The following SCAPER variants were observed in gnomAD, a reference collection of about 807,000 sequenced individuals.
SCAPER encodes S-phase cyclin A associated protein in the ER.
SCAPER carries 98 observed loss-of-function variants against 182.2 expected under a neutral mutation model. That is an observed-to-expected ratio of 0.54 (90% CI 0.46 to 0.64). The LOEUF (loss-of-function observed/expected upper bound fraction) is 0.64. SCAPER is among the 30% of genes least tolerant of loss of function. SCAPER has a pLI of 0.00. For synonymous variants in SCAPER, 605 were observed against 564.6 expected (o/e 1.07, Z -1.01); for missense variants, 1,432 against 1,690.0 (o/e 0.85, Z 2.68).
intron 23 of SCAPER, among the ~76,000 whole-genome samples, chr15:76,543,535 T>G (rs1457827793): frequency 6.6e-6 from 1 of 152,194 alleles, no homozygotes; most frequent in Non-Finnish European, 1.5e-5. Context: ...ATGTTACCCC[T>G]AACTCCTACC....
At position 76,417,890 on chromosome 15, in the gene SCAPER, C is replaced by T. The variant is rs576321633; in HGVS notation, c.3312-13211G>A. On this transcript the variant is annotated intron_variant, in intron 26 of 31. Transcript: ENST00000563290. The stretch of plus-strand genomic sequence containing the variant: ...AAAATTAGCTGGGCGTGGTGGTGCG[C>T]GCCTATAGTCCCAGCTACTTGGGAG... 2.7e-4 allele frequency among the ~76,000 whole-genome samples: 41 copies of T among 152,108 alleles called. No individual in the cohort carries two copies. In the East Asian group the frequency reaches 6.6e-3, roughly 24 times the overall value.
chr15:76,532,321 C>T (rs1225645970), intron 23 of SCAPER, among the ~76,000 whole-genome samples: 2 of 151,738 alleles, frequency 1.3e-5, no homozygotes, highest in Non-Finnish European at 2.9e-5. Context: ...TTACCCCTCC[C>T]CTCCCCTCCC....
intron 1 of SCAPER, among the ~76,000 whole-genome samples, chr15:76,885,889 G>A (rs2073812393): frequency 6.6e-6 from 1 of 152,270 alleles, no homozygotes; most frequent in African/African-American, 2.4e-5. Context: ...AACAAAAGAA[G>A]ACTAAACATT....
At chr15:76,620,379 T>C (rs560052304) in intron 22 of SCAPER, among the ~76,000 whole-genome samples, 34 of 152,332 alleles carry the variant, frequency 2.2e-4, no homozygotes, top group African/African-American at 7.9e-4. Context: ...TCCTACTGAA[T>C]TGATTTCTCT....
At chr15:76,702,820 T>C (rs759842551) in intron 19 of SCAPER, 30 bp downstream of exon 19, 7 of 1,577,210 alleles carry the variant, frequency 4.4e-6, no homozygotes, top group Non-Finnish European at 5.1e-6. Flanking sequence ...TAGTAAACTA[T>C]ATCATTACAA....
chr15:76,743,652 G>A (rs1320267050), intron 15 of SCAPER, among the ~76,000 whole-genome samples: 2 of 151,958 alleles, frequency 1.3e-5, no homozygotes, highest in Non-Finnish European at 2.9e-5. Flanking sequence ...AATCAGAGAT[G>A]ACACAAACAG....
chr15:76,721,442 GT>G (rs1253736121), intron 17 of SCAPER, among the ~76,000 whole-genome samples: 3 of 151,756 alleles, frequency 2.0e-5, no homozygotes, highest in African/African-American at 7.3e-5. Context: ...CTTTAAAGTA[GT>G]TTTTTCCAAT....
At chr15:76,424,933 T>G (rs1333543056) in intron 26 of SCAPER, among the ~76,000 whole-genome samples, 12 of 152,214 alleles carry the variant, frequency 7.9e-5, no homozygotes, top group African/African-American at 2.7e-4. Context: ...TTTAAGAATG[T>G]TGAATATTGG....
At chr15:76,765,098 A>T in intron 13 of SCAPER, 26 bp from the exon 14 acceptor site, 1 of 1,459,394 alleles carries the variant, frequency 6.9e-7, no homozygotes, top group Non-Finnish European at 9.3e-7. Context: ...AATGGACAAG[A>T]GACATGAAAT....
intron 23 of SCAPER, among the ~76,000 whole-genome samples, chr15:76,561,731 C>T (rs112234639): frequency 4.4e-4 from 66 of 151,022 alleles, no homozygotes; most frequent in Admixed American, 5.3e-4. Context: ...TTTTTTTAGA[C>T]GGAGTTTCGC....
chr15:76,457,963 C>A (rs1304911758), intron 25 of SCAPER, among the ~76,000 whole-genome samples: 1 of 151,674 alleles, frequency 6.6e-6, no homozygotes, highest in Non-Finnish European at 1.5e-5. Flanking sequence ...CTGTTGTCAA[C>A]AAATTCTCGG....
At chr15:76,452,474 G>A (rs1022493231) in intron 25 of SCAPER, among the ~76,000 whole-genome samples, 11 of 152,142 alleles carry the variant, frequency 7.2e-5, no homozygotes, top group African/African-American at 2.7e-4. Context: ...TCCCCTTCGA[G>A]GAATTTTCAT....
At chr15:76,701,558 C>T (rs61246755) in intron 20 of SCAPER, among the ~76,000 whole-genome samples, 200 bp downstream of exon 20, 1 of 152,078 alleles carries the variant, frequency 6.6e-6, no homozygotes, top group Non-Finnish European at 1.5e-5. Flanking sequence ...GCATTAAATT[C>T]TTTTTTCTAT....
At chr15:76,542,520 T>A (rs1173305049) in intron 23 of SCAPER, among the ~76,000 whole-genome samples, 1 of 150,084 alleles carries the variant, frequency 6.7e-6, no homozygotes, top group South Asian at 2.1e-4. Flanking sequence ...CGAGACTCCA[T>A]CTCCATCTCA....
chr15:76,899,282 G>A (rs1248381512), intron 1 of SCAPER, among the ~76,000 whole-genome samples: 3 of 152,078 alleles, frequency 2.0e-5, no homozygotes, highest in East Asian at 1.9e-4. Context: ...CTCCTGCCTC[G>A]GCCTGCCGAG....
intron 23 of SCAPER, among the ~76,000 whole-genome samples, chr15:76,520,334 C>T (rs950840179): frequency 4.6e-5 from 7 of 152,124 alleles, no homozygotes; most frequent in African/African-American, 1.7e-4. Context: ...CCCTCCCAAC[C>T]CAGCCTTCGA....
intron 26 of SCAPER, among the ~76,000 whole-genome samples, chr15:76,430,906 T>C (rs779595543): frequency 2.0e-5 from 3 of 152,146 alleles, no homozygotes; most frequent in Non-Finnish European, 2.9e-5. Context: ...TGAATTCCCA[T>C]GTGCTTTGGG....
Position 76,622,492 on chromosome 15 carries a change from T to C in SCAPER, c.2646-663A>G, listed in dbSNP as rs554570791. ...AGCCCTAATGAGGAAAAAAGCAAAC[T>C]AGACAGATGATGCATTGGAATAAAG... On this transcript the variant is annotated intron_variant, in intron 21 of 31. Coordinates refer to ENST00000563290, the MANE Select transcript of SCAPER (RefSeq NM_020843.4). Among the ~76,000 whole-genome samples, 42 of 151,908 alleles carry C rather than the reference T, an allele frequency of 2.8e-4. No individual in the cohort carries two copies. The East Asian group carries it at 6.9e-3, about 25-fold the overall frequency.
chr15:76,639,456 C>G (rs2053921693), intron 21 of SCAPER, among the ~76,000 whole-genome samples: 1 of 152,192 alleles, frequency 6.6e-6, no homozygotes, highest in Non-Finnish European at 1.5e-5. Flanking sequence ...CCACTGAAGA[C>G]CTGAACATTC....
Sources: gnomAD v4.1 joint callset for allele counts (sites outside exome capture counted in the v4.1 genomes callset) on GRCh38, gnomAD v4.1.1 for gene constraint, MANE v1.5 for transcripts, NCBI Gene and HGNC (gene_info 2026-07-23, HGNC 2026-07-21) for gene names.